Variants in B3GAT1 observed in about 807,000 individuals in gnomAD.
The protein encoded by B3GAT1 is beta-1,3-glucuronyltransferase 1, also known as galactosylgalactosylxylosylprotein 3-beta-glucuronosyltransferase 1.
A neutral mutation model predicts 28.4 loss-of-function variants in B3GAT1; 11 were observed. That is an observed-to-expected ratio of 0.39 (90% CI 0.24 to 0.64). The LOEUF (loss-of-function observed/expected upper bound fraction) is 0.64. Among genes scored for constraint, B3GAT1 ranks in the 30% least tolerant of loss-of-function variants. The pLI, the probability that B3GAT1 is intolerant of heterozygous loss-of-function variation, is 0.50. For missense variants in B3GAT1, 375 were observed against 491.0 expected (o/e 0.76, Z 2.23); for synonymous variants, 255 against 223.1 (o/e 1.14, Z -1.27).
chr11:134,383,634 C>T (rs546911432), intron 3 of B3GAT1, 46 bp downstream of exon 3: 1 of 1,478,040 alleles, frequency 6.8e-7, no homozygotes, highest in Admixed American at 2.4e-5. Context: ...CCCCTCCACT[C>T]CCCGCAGCCG....
At position 134,382,987 on chromosome 11, in the gene B3GAT1, A is replaced by G; in HGVS notation, c.641T>C (p.Val214Ala). 6.3e-7 allele frequency: 1 copy of G among 1,575,622 alleles called. No homozygotes were observed. The highest frequency in any genetic ancestry group is 1.1e-5 in the South Asian group (1 of 87,278). ...LFEEMRSTRR[V>A]SVWPVAFVGG... ...CACGAAGGCGACGGGCCACACGGAC[A>G]CCCTCCTGGTGCTGCGCATCTACAA... is the stretch of plus-strand genomic sequence containing the variant. The change falls in exon 4 of 6, where the codon GTG (valine) becomes GCG (alanine). Residue 214 changes from valine (V) to alanine (A), a missense_variant. Physicochemically the swap from Val to Ala is moderately conservative, Grantham distance 64. Coordinates refer to ENST00000312527, the MANE Select transcript of B3GAT1 (RefSeq NM_054025.3).
In B3GAT1 at chr11:134,382,899, C is replaced by T. The variant is rs150095434; in HGVS notation, c.729G>A (p.Thr243=). The T allele has an allele frequency of 8.1e-6, 13 of 1,613,624 alleles. No individual in the cohort carries two copies. Among genetic ancestry groups the T allele is most frequent in the Non-Finnish European group, 1.1e-5 (13 of 1,179,856 alleles). The change falls in exon 4 of 6, where the codon ACG becomes ACA. Residue 243 remains threonine, a synonymous_variant. Transcript: ENST00000312527. ...NGAGKVVGWK[T]VFDPHRPFAI... ...CAAATGGCCGGTGGGGGTCAAACAC[C>T]GTCTTCCAGCCGACCACCTTCCCTG...
intron 2 of B3GAT1, chr11:134,386,819 G>A (rs759281556): frequency 6.6e-6 from 1 of 152,218 alleles, no homozygotes; most frequent in African/African-American, 2.4e-5. Context: ...TGTTTTTTAA[G>A]TTTTTCTGTA....
In B3GAT1 at chr11:134,383,771, A is replaced by T; in HGVS notation, c.530T>A (p.Leu177Gln). Reference protein sequence around the residue: ...TMQRNLALRWLRETFPRNSSQ... With the variant: ...TMQRNLALRWQRETFPRNSSQ... ...GGAGTTGCGCGGGAAGGTCTCGCGC[A>T]GCCAGCGCAGGGCCAGGTTGCGCTG... Residue 177 changes from leucine (L) to glutamine (Q), a missense_variant, in exon 3 of 6, where the codon CTG becomes CAG. By Grantham distance (113) the Leu-to-Gln change is moderately radical (BLOSUM62 -2). Coordinates refer to ENST00000312527, the MANE Select transcript of B3GAT1 (RefSeq NM_054025.3). The T allele has an allele frequency of 6.3e-7, 1 of 1,596,142 alleles. No homozygotes were observed. Among genetic ancestry groups the T allele is most frequent in the Non-Finnish European group, 8.5e-7 (1 of 1,170,748 alleles).
At chr11:134,384,285 C>T in intron 2 of B3GAT1, 97 bp from the exon 3 acceptor site, 1 of 1,411,400 alleles carries the variant, frequency 7.1e-7, no homozygotes, top group Non-Finnish European at 9.3e-7. Flanking sequence ...GCACCCTCCT[C>T]CTCCCCCGCT....
At chr11:134,398,740 C>T (rs7929612) in intron 1 of B3GAT1, among the ~76,000 whole-genome samples, 26,925 of 151,964 alleles carry the variant, frequency 0.18, 2,885 homozygotes, top group African/African-American at 0.3. Flanking sequence ...TCCCGGGCCC[C>T]CTCCTGCCTA....
chr11:134,387,523 A>G, intron 2 of B3GAT1, 25 bp downstream of exon 2: 1 of 1,612,118 alleles, frequency 6.2e-7, no homozygotes, highest in Non-Finnish European at 8.5e-7. Flanking sequence ...CCAGCTGGGC[A>G]GGCAGGGCAT....
At chr11:134,407,938 G>C (rs1944765805) in intron 1 of B3GAT1, among the ~76,000 whole-genome samples, 1 of 151,970 alleles carries the variant, frequency 6.6e-6, no homozygotes, top group Non-Finnish European at 1.5e-5. Context: ...GCATGGATAA[G>C]AAGGGCTCAC....
intron 1 of B3GAT1, chr11:134,390,180 C>A (rs908640820): frequency 6.6e-6 from 1 of 152,304 alleles, no homozygotes; most frequent in African/African-American, 2.4e-5. Flanking sequence ...TAGAACCCCA[C>A]ACGGGATGCC....
chr11:134,395,969 A>G (rs1012524913), intron 1 of B3GAT1, among the ~76,000 whole-genome samples: 9 of 152,146 alleles, frequency 5.9e-5, no homozygotes, highest in Admixed American at 2.0e-4. Flanking sequence ...AATGCGGGCC[A>G]TGGCTTCCTG....
Position 134,380,576 on chromosome 11 carries a change from G to C in B3GAT1, c.*186C>G, listed in dbSNP as rs907567534. On this transcript the variant is annotated 3_prime_UTR_variant, in exon 6 of 6. Coordinates refer to ENST00000312527, the MANE Select transcript of B3GAT1 (RefSeq NM_054025.3). ...TGGATGGAGAGAACAACAGGTCTGG[G>C]ATTTCTGTGCTTAAATTCTCTGTCC... The C allele has an allele frequency of 3.9e-5, 6 of 152,728 alleles. No homozygotes were observed. Among genetic ancestry groups the C allele is most frequent in the Admixed American group, 6.5e-5 (1 of 15,286 alleles). 9.5% of individuals were successfully genotyped at this position (152,728 alleles called of 1,614,324 possible). A position where few individuals can be genotyped will look rare whatever the true frequency, so the allele number is the denominator to read the frequency against.
At chr11:134,383,590 C>T in intron 3 of B3GAT1, 90 bp downstream of exon 3, 4 of 1,420,760 alleles carry the variant, frequency 2.8e-6, no homozygotes, top group South Asian at 1.5e-5. Flanking sequence ...TCCCCCTGCG[C>T]GCGCCTCCGC....
chr11:134,383,810 G>A lies in B3GAT1; in HGVS notation c.491C>T (p.Pro164Leu), dbSNP rs760427462. 6.3e-7 allele frequency: 1 copy of A among 1,596,206 alleles called. No homozygotes were observed. The highest frequency in any genetic ancestry group is 8.5e-7 in the Non-Finnish European group (1 of 1,172,600). Reference protein sequence around the residue: ...LRGDARDPRIPRGTMQRNLAL... With the variant: ...LRGDARDPRILRGTMQRNLAL... ...CAGGTTGCGCTGCATGGTGCCCCGC[G>A]GGATGCGTGGGTCGCGGGCGTCTCC... Residue 164 changes from proline (P) to leucine (L), a missense_variant, in exon 3 of 6, where the codon CCG (proline) becomes CTG (leucine). By Grantham distance (98) the Pro-to-Leu change is moderately conservative (BLOSUM62 -3). Coordinates refer to ENST00000312527, the MANE Select transcript of B3GAT1 (RefSeq NM_054025.3).
chr11:134,385,419 C>G (rs1944254592), intron 2 of B3GAT1: 2 of 152,464 alleles, frequency 1.3e-5, no homozygotes, highest in East Asian at 3.9e-4. Flanking sequence ...TTCAGGAGTT[C>G]TCATGGGCAA....
chr11:134,388,449 G>C (rs1300847034), intron 1 of B3GAT1: 1 of 156,298 alleles, frequency 6.4e-6, no homozygotes, highest in Non-Finnish European at 1.4e-5. Flanking sequence ...ACCATATATG[G>C]ACCACGAATT....
At chr11:134,382,658 G>T in intron 4 of B3GAT1, 52 bp downstream of exon 4, 1 of 1,575,148 alleles carries the variant, frequency 6.3e-7, no homozygotes, top group South Asian at 1.2e-5. Flanking sequence ...GGGAGGGTCT[G>T]GATGTACTTG....
At position 134,384,170 on chromosome 11, in the gene B3GAT1, C is replaced by T. The variant is rs891837806; in HGVS notation, c.131G>A (p.Arg44Gln). ...GTCGGCGCCGGGCGGCGTTTCGCGT[C>T]GGGGGTCACTGCCCTCATCTGCGGA... ...AVHKDEGSDP[R>Q]RETPPGADPR... is the part of the protein sequence containing the mutation. The change falls in exon 3 of 6, where the codon CGA becomes CAA. Residue 44 changes from arginine (R) to glutamine (Q), a missense_variant. Arg to Gln is a conservative substitution (Grantham distance 43). Transcript: ENST00000312527. 1.9e-6 allele frequency: 3 copies of T among 1,546,878 alleles called. No individual in the cohort carries two copies. The highest frequency in any genetic ancestry group is 1.2e-5 in the South Asian group (1 of 82,638).
intron 1 of B3GAT1, among the ~76,000 whole-genome samples, chr11:134,406,761 C>T (rs1670612507): frequency 6.6e-6 from 1 of 152,188 alleles, no homozygotes; most frequent in Non-Finnish European, 1.5e-5. Flanking sequence ...AAGTCTGAGG[C>T]ACAGAGAGGT....
chr11:134,394,307 G>A (rs769773958), intron 1 of B3GAT1, among the ~76,000 whole-genome samples: 7 of 152,324 alleles, frequency 4.6e-5, no homozygotes, highest in African/African-American at 1.4e-4. Flanking sequence ...CACAGATCTC[G>A]TCCCCATTTT....
Sources: allele counts gnomAD v4.1 joint callset (sites outside exome capture counted in the v4.1 genomes callset), GRCh38; gene constraint gnomAD v4.1.1; transcripts MANE v1.5; gene names NCBI Gene and HGNC (gene_info 2026-07-23, HGNC 2026-07-21).